The following PRKN variants were observed in gnomAD, a reference collection of about 807,000 sequenced individuals.
The protein encoded by PRKN is parkin RBR E3 ubiquitin protein ligase.
A neutral mutation model predicts 59.5 loss-of-function variants in PRKN; 56 were observed. The observed-to-expected ratio is 0.94, with a 90% CI of 0.76 to 1.18. The LOEUF is 1.18. Ranked by LOEUF, PRKN falls within the 50% of genes most tolerant of loss-of-function variation. The probability of loss-of-function intolerance (pLI) is 0.00; values close to 1 mark genes in which losing one functional copy is unlikely to be tolerated. For synonymous variants in PRKN, 250 were observed against 222.1 expected (o/e 1.13, Z -1.12); for missense variants, 657 against 596.4 (o/e 1.10, Z -1.06).
At chr6:161,723,897 G>A (rs1197617278) in intron 7 of PRKN, among the ~76,000 whole-genome samples, 1 of 152,164 alleles carries the variant, frequency 6.6e-6, no homozygotes, top group Non-Finnish European at 1.5e-5. Flanking sequence ...GGAAGACAGA[G>A]AACAGTAGGG....
chr6:162,521,624 T>C (rs1308961184), intron 1 of PRKN, among the ~76,000 whole-genome samples: 2 of 152,192 alleles, frequency 1.3e-5, no homozygotes, highest in Non-Finnish European at 2.9e-5. Flanking sequence ...ACAAACTCCA[T>C]ATAGTAATTC....
chr6:162,648,113 A>G (rs761446782), intron 1 of PRKN, among the ~76,000 whole-genome samples: 6 of 152,148 alleles, frequency 3.9e-5, no homozygotes, highest in Non-Finnish European at 8.8e-5. Context: ...TAAAAAGACG[A>G]GCGATGTAAA....
intron 3 of PRKN, among the ~76,000 whole-genome samples, chr6:162,202,389 T>C (rs1279118981): frequency 6.6e-6 from 1 of 152,198 alleles, no homozygotes; most frequent in Non-Finnish European, 1.5e-5. Context: ...TCTTTCCTAA[T>C]ACTGTAGGTG....
At chr6:162,319,695 C>A (rs1198349960) in intron 2 of PRKN, among the ~76,000 whole-genome samples, 2 of 151,818 alleles carry the variant, frequency 1.3e-5, no homozygotes, top group Non-Finnish European at 2.9e-5. Flanking sequence ...TCTTTAGCAT[C>A]CAATTCCAAT....
At chr6:161,602,587 T>G (rs2128143820) in intron 7 of PRKN, among the ~76,000 whole-genome samples, 1 of 152,370 alleles carries the variant, frequency 6.6e-6, no homozygotes, top group South Asian at 2.1e-4. Context: ...AGGTTAGAAC[T>G]GCTGAGAGAT....
chr6:161,616,823 G>A (rs1782716245), intron 7 of PRKN, among the ~76,000 whole-genome samples: 1 of 152,074 alleles, frequency 6.6e-6, no homozygotes, highest in African/African-American at 2.4e-5. Flanking sequence ...TGGGCATTTG[G>A]GTTGGTTCCA....
chr6:162,083,356 A>G (rs1779134082), intron 4 of PRKN, among the ~76,000 whole-genome samples: 1 of 152,114 alleles, frequency 6.6e-6, no homozygotes, highest in African/African-American at 2.4e-5. Context: ...ACTGTTGGAA[A>G]AATGGTGCTG....
At position 161,593,752 on chromosome 6, in the gene PRKN, A is replaced by T. The variant is rs58143175; in HGVS notation, c.872-24336T>A. The stretch of plus-strand genomic sequence containing the variant: ...TTCGGATGCCACATTGGCAAAGCTT[A>T]TAAATTATCCAGTTGTAGCCAAGAG... On this transcript the variant is annotated intron_variant, in intron 7 of 11. Transcript: ENST00000366898. This position sits in a 1 kb window ranked among gnomAD's most constrained non-coding sequence, Gnocchi z 4.8. 6.6e-6 allele frequency among the ~76,000 whole-genome samples: 1 copy of T among 152,310 alleles called. No individual in the cohort carries two copies. Among genetic ancestry groups the T allele is most frequent in the African/African-American group, 2.4e-5 (1 of 41,572 alleles).
At chr6:162,005,392 C>T (rs975470177) in intron 5 of PRKN, among the ~76,000 whole-genome samples, 1 of 152,118 alleles carries the variant, frequency 6.6e-6, no homozygotes, top group Admixed American at 6.6e-5. Context: ...CATGGTAAGA[C>T]ATTTTATCAT....
At chr6:162,205,124 G>A (rs1258834298) in intron 3 of PRKN, among the ~76,000 whole-genome samples, 1 of 152,018 alleles carries the variant, frequency 6.6e-6, no homozygotes, top group Non-Finnish European at 1.5e-5. Flanking sequence ...GCCTCTCAAA[G>A]TGCTGGGATT....
intron 4 of PRKN, among the ~76,000 whole-genome samples, chr6:162,111,735 T>C (rs1490945693): frequency 6.6e-6 from 1 of 151,904 alleles, no homozygotes; most frequent in Non-Finnish European, 1.5e-5. Flanking sequence ...AAAATTTTCC[T>C]GGAGAGAGAA....
At chr6:161,806,000 C>T (rs765498035) in intron 6 of PRKN, among the ~76,000 whole-genome samples, 23 of 152,204 alleles carry the variant, frequency 1.5e-4, no homozygotes, top group South Asian at 8.3e-4. Context: ...GAGTTCTTCC[C>T]CACAGAGCAG....
intron 6 of PRKN, among the ~76,000 whole-genome samples, chr6:161,838,745 G>A (rs1318767526): frequency 6.6e-6 from 1 of 152,208 alleles, no homozygotes; most frequent in Non-Finnish European, 1.5e-5. Context: ...ACACAAGCAT[G>A]CGGCCCTGGG....
rs145681113 is a variant in PRKN, at chr6:161,907,421, C to T, written c.734+65881G>A. 4.7e-3 allele frequency among the ~76,000 whole-genome samples: 723 copies of T among 152,300 alleles called. 3 individuals are homozygous for T. Among genetic ancestry groups the T allele is most frequent in the Non-Finnish European group, 7.1e-3 (486 of 68,028 alleles). On this transcript the variant is annotated intron_variant, in intron 6 of 11. Coordinates refer to ENST00000366898, the MANE Select transcript of PRKN (RefSeq NM_004562.3). The stretch of plus-strand genomic sequence containing the variant: ...TACACCTTAAAAATTATTTCCGCAA[C>T]ATAACCACACTTGCAAATCTCTTCA...
At chr6:161,780,231 A>G (rs1790145419) in intron 7 of PRKN, among the ~76,000 whole-genome samples, 1 of 152,214 alleles carries the variant, frequency 6.6e-6, no homozygotes, top group South Asian at 2.1e-4. Context: ...CAGCATTTGA[A>G]CTAGGCTTTT....
chr6:161,498,264 T>C lies in PRKN; in HGVS notation c.1083+50590A>G, dbSNP rs1777827015. 6.6e-6 allele frequency among the ~76,000 whole-genome samples: 1 copy of C among 152,236 alleles called. No individual in the cohort carries two copies. The highest frequency in any genetic ancestry group is 2.4e-5 in the African/African-American group (1 of 41,462). On this transcript the variant is annotated intron_variant, in intron 9 of 11. Transcript: ENST00000366898. The surrounding 1 kb of genome is among the most constrained non-coding windows in gnomAD (Gnocchi z 4.2). ...TCATGTTATAGAGTGTATTAATTAA[T>C]AAATGGAATATTTAGCTTTTTATAA... is the stretch of plus-strand genomic sequence containing the variant.
At chr6:162,436,176 CAAAA>C (rs35792526) in intron 2 of PRKN, among the ~76,000 whole-genome samples, 58 of 54,706 alleles carry the variant, frequency 1.1e-3, no homozygotes, top group African/African-American at 3.6e-3. Flanking sequence ...ACTCCATCTC[CAAAA>C]AAAAAAAAAA....
intron 1 of PRKN, among the ~76,000 whole-genome samples, chr6:162,488,386 G>A (rs1192300550): frequency 6.6e-6 from 1 of 152,104 alleles, no homozygotes; most frequent in Non-Finnish European, 1.5e-5. Context: ...CCACCAGTGT[G>A]GATGCATGGT....
intron 2 of PRKN, among the ~76,000 whole-genome samples, chr6:162,396,208 T>C (rs2061515538): frequency 6.6e-6 from 1 of 152,148 alleles, no homozygotes; most frequent in African/African-American, 2.4e-5. Context: ...GCTGGGATTG[T>C]AGGAGTTTTA....
Sources: gnomAD v4.1 joint callset for allele counts (sites outside exome capture counted in the v4.1 genomes callset) on GRCh38, gnomAD v4.1.1 for gene constraint, Gnocchi (gnomAD v3.1) non-coding constraint, MANE v1.5 for transcripts, NCBI Gene and HGNC (gene_info 2026-07-23, HGNC 2026-07-21) for gene names.